SUGCT: variants seen among roughly 807,000 people sequenced by gnomAD.
The protein encoded by SUGCT is succinyl-CoA:glutarate CoA-transferase.
Under a neutral mutation model 55.0 loss-of-function variants are expected in SUGCT, and 41 were observed. The ratio of observed to expected loss-of-function variants is 0.74; its 90% CI spans 0.58 to 0.97. The LOEUF is 0.97. Ranked by LOEUF, SUGCT falls within the 50% of genes least tolerant of loss-of-function variation. The pLI, the probability that SUGCT is intolerant of heterozygous loss-of-function variation, is 0.00. For synonymous variants in SUGCT, 187 were observed against 200.4 expected (o/e 0.93, Z 0.56); for missense variants, 568 against 547.8 (o/e 1.04, Z -0.37).
chr7:40,637,462 C>T (rs970265863), intron 12 of SUGCT, among the ~76,000 whole-genome samples: 3 of 152,210 alleles, frequency 2.0e-5, no homozygotes, highest in Admixed American at 6.5e-5. Context: ...TGATAGGAAA[C>T]GGGGAGGACC....
intron 13 of SUGCT, among the ~76,000 whole-genome samples, chr7:40,847,994 C>T (rs1760986383): frequency 6.6e-6 from 1 of 152,146 alleles, no homozygotes; most frequent in African/African-American, 2.4e-5. Context: ...TCCCACAGAT[C>T]AATCATGGGC....
chr7:40,231,084 G>A (rs1011577005), intron 6 of SUGCT, among the ~76,000 whole-genome samples: 1 of 152,146 alleles, frequency 6.6e-6, no homozygotes, highest in Non-Finnish European at 1.5e-5. Flanking sequence ...AGATGAGAAT[G>A]AGAAGAGAGA....
chr7:40,644,138 G>A lies in SUGCT; in HGVS notation c.1090-105296G>A, dbSNP rs940164255. Among the ~76,000 whole-genome samples, 6 of 152,172 alleles carry A rather than the reference G, an allele frequency of 3.9e-5. No homozygotes were observed. The East Asian group carries it at 9.6e-4, about 24-fold the overall frequency. On this transcript the variant is annotated intron_variant, in intron 12 of 13. Coordinates refer to ENST00000335693, the MANE Select transcript of SUGCT (RefSeq NM_001193313.2). ...GACTCCTGCATCAGCTTCTCTGTAAGTTCTGAAACTATAGGAGGGGGGAAA... is the reference window on the plus strand; with the variant it reads ...GACTCCTGCATCAGCTTCTCTGTAAATTCTGAAACTATAGGAGGGGGGAAA...
chr7:40,483,477 G>A (rs535096304), intron 11 of SUGCT, among the ~76,000 whole-genome samples: 33 of 152,172 alleles, frequency 2.2e-4, no homozygotes, highest in African/African-American at 7.9e-4. Flanking sequence ...ATCATAATAA[G>A]CTTATGAGAT....
rs188667837 is a variant in SUGCT at position 40,610,300 on chromosome 7, A to G, written c.1089+113914A>G. ...AATAATCATTTACATCTGGGTCTCT[A>G]TCTGCAATCCCTTTAACTTAATTCT... On this transcript the variant is annotated intron_variant, in intron 12 of 13. Coordinates refer to ENST00000335693, the MANE Select transcript of SUGCT (RefSeq NM_001193313.2). 5.9e-5 allele frequency among the ~76,000 whole-genome samples: 9 copies of G among 152,340 alleles called. No homozygotes were observed. The East Asian group carries it at 1.7e-3, about 29-fold the overall frequency.
intron 13 of SUGCT, among the ~76,000 whole-genome samples, chr7:40,798,024 A>T (rs1790632383): frequency 1.3e-5 from 2 of 152,106 alleles, no homozygotes; most frequent in Admixed American, 1.3e-4. Flanking sequence ...CCCCTTATAT[A>T]ATGCCCACCA....
chr7:40,507,171 C>T (rs993760749), intron 12 of SUGCT, among the ~76,000 whole-genome samples: 14 of 152,120 alleles, frequency 9.2e-5, no homozygotes, highest in South Asian at 2.1e-4. Context: ...CTCCCCTCCC[C>T]GACCTTTAAG....
At chr7:40,377,198 CTTTTCTTTTCTTTTCTTTCTT>C (rs1562728666) in intron 9 of SUGCT, among the ~76,000 whole-genome samples, 1 of 16,570 alleles carries the variant, frequency 6.0e-5, no homozygotes, top group Non-Finnish European at 1.1e-4. Context: ...TTCTTTCTTT[CTTTTCTTTTCTTTTCTTTCTT>C]TTCTTTCTTT....
intron 1 of SUGCT, among the ~76,000 whole-genome samples, chr7:40,169,972 C>T (rs903769115): frequency 1.3e-5 from 2 of 152,096 alleles, no homozygotes; most frequent in African/African-American, 4.8e-5. Context: ...CAATGCCTCC[C>T]TTAGTCTCTC....
At chr7:40,302,449 T>C (rs1452282524) in intron 8 of SUGCT, among the ~76,000 whole-genome samples, 1 of 152,210 alleles carries the variant, frequency 6.6e-6, no homozygotes, top group Admixed American at 6.5e-5. Flanking sequence ...CAACACAAAC[T>C]ATGATTTTAT....
the SUGCT span, among the ~76,000 whole-genome samples, chr7:40,908,966 A>G: frequency 6.6e-6 from 1 of 152,198 alleles, no homozygotes; most frequent in African/African-American, 2.4e-5. Flanking sequence ...AAAAGTATAC[A>G]TAGATACATC....
intron 3 of SUGCT, among the ~76,000 whole-genome samples, chr7:40,187,520 C>T (rs1302549788): frequency 6.6e-6 from 1 of 152,120 alleles, no homozygotes; most frequent in Admixed American, 6.6e-5. Context: ...TTTAACCATA[C>T]ATTTCCTGTC....
At chr7:40,955,203 C>A in the SUGCT span, among the ~76,000 whole-genome samples, 1 of 152,178 alleles carries the variant, frequency 6.6e-6, no homozygotes, top group Admixed American at 6.5e-5. Flanking sequence ...ATGGGAAAAG[C>A]ATTGCATCTA....
At chr7:40,824,741 G>A (rs1792228476) in intron 13 of SUGCT, among the ~76,000 whole-genome samples, 1 of 152,172 alleles carries the variant, frequency 6.6e-6, no homozygotes, top group African/African-American at 2.4e-5. Context: ...GGGACATCTT[G>A]TTCTGTCATC....
intron 9 of SUGCT, among the ~76,000 whole-genome samples, chr7:40,379,766 C>G (rs555235517): frequency 6.6e-6 from 1 of 152,194 alleles, no homozygotes; most frequent in Non-Finnish European, 1.5e-5. Context: ...CACAGAGCCT[C>G]AAGGTTAGTA....
At chr7:40,855,895 A>T (rs1454852850) in intron 13 of SUGCT, among the ~76,000 whole-genome samples, 1 of 152,234 alleles carries the variant, frequency 6.6e-6, no homozygotes, top group Non-Finnish European at 1.5e-5. Context: ...CTTTTTAAAG[A>T]AATGGTTGAT....
At chr7:40,490,215 G>A (rs1791606632) in intron 11 of SUGCT, among the ~76,000 whole-genome samples, 1 of 152,184 alleles carries the variant, frequency 6.6e-6, no homozygotes, top group African/African-American at 2.4e-5. Flanking sequence ...TGTGTTTCCT[G>A]CAGCATAATG....
At chr7:40,403,485 G>A (rs1270722096) in intron 9 of SUGCT, among the ~76,000 whole-genome samples, 1 of 152,104 alleles carries the variant, frequency 6.6e-6, no homozygotes, top group Non-Finnish European at 1.5e-5. Flanking sequence ...GGGCAGGGGA[G>A]GAACATTTGT....
chr7:40,191,655 A>C (rs1785916988), intron 5 of SUGCT, among the ~76,000 whole-genome samples: 1 of 152,154 alleles, frequency 6.6e-6, no homozygotes, highest in Admixed American at 6.6e-5. Flanking sequence ...TGCCTCAGCC[A>C]CCCAAAATGC....
Sources: gnomAD v4.1 joint callset for allele counts (sites outside exome capture counted in the v4.1 genomes callset) on GRCh38, gnomAD v4.1.1 for gene constraint, MANE v1.5 for transcripts, NCBI Gene and HGNC (gene_info 2026-07-23, HGNC 2026-07-21) for gene names.